Variants in ZNF470 observed in about 807,000 individuals in gnomAD.
ZNF470 encodes the protein zinc finger protein 470.
Under a neutral mutation model 13.9 loss-of-function variants are expected in ZNF470, and 13 were observed. The observed-to-expected ratio is 0.94, with a 90% CI of 0.61 to 1.49. ZNF470 has a LOEUF of 1.49. Ranked by LOEUF, ZNF470 falls within the 40% of genes most tolerant of loss-of-function variation. ZNF470 has a pLI of 0.00. For missense variants in ZNF470, 929 were observed against 857.3 expected (o/e 1.08, Z -1.04); for synonymous variants, 293 against 282.9 (o/e 1.04, Z -0.36).
Position 56,581,809 on chromosome 19 carries a change from G to T in ZNF470, c.*3226G>T, listed in dbSNP as rs1016189716. ...ACCCTACCATATGTTTTTGATGGAC[G>T]TGGCCAATAAAATTGTCTCTGAATT... On this transcript the variant is annotated 3_prime_UTR_variant, in exon 6 of 6. Coordinates refer to ENST00000330619, the MANE Select transcript of ZNF470 (RefSeq NM_001001668.4). The T allele has an allele frequency of 3.0e-6, 3 of 985,094 alleles. No individual in the cohort carries two copies. Among genetic ancestry groups the T allele is most frequent in the African/African-American group, 1.7e-5 (1 of 57,154 alleles). 61.0% of individuals were successfully genotyped at this position (985,094 alleles called of 1,614,324 possible). A position where few individuals can be genotyped will look rare whatever the true frequency, so the allele number is the denominator to read the frequency against.
At position 56,570,303 on chromosome 19, in the gene ZNF470, C is replaced by G. The variant is rs371751279; in HGVS notation, c.-9C>G. 4.3e-6 allele frequency: 7 copies of G among 1,613,898 alleles called. No individual in the cohort carries two copies. The African/African-American group carries it at 9.3e-5, about 22-fold the overall frequency. ...AGCTCTACAATCCCAGAGTAAAGCTCTTCTCCAAATGAAGAGCCAGGAAGA... is the reference window on the plus strand; with the variant it reads ...AGCTCTACAATCCCAGAGTAAAGCTGTTCTCCAAATGAAGAGCCAGGAAGA... On this transcript the variant is annotated 5_prime_UTR_variant, in exon 3 of 6. Coordinates refer to ENST00000330619, the MANE Select transcript of ZNF470 (RefSeq NM_001001668.4).
intron 3 of ZNF470, among the ~76,000 whole-genome samples, chr19:56,571,372 T>C (rs2044450682): frequency 6.6e-6 from 1 of 152,180 alleles, no homozygotes; most frequent in Non-Finnish European, 1.5e-5. Flanking sequence ...ATTCCTAGTT[T>C]TTCATTCCTT....
intron 3 of ZNF470, among the ~76,000 whole-genome samples, chr19:56,573,019 G>A (rs2044466131): frequency 6.6e-6 from 1 of 152,094 alleles, no homozygotes; most frequent in Admixed American, 6.6e-5. Flanking sequence ...TATCTTCAAT[G>A]GTTAAAAACA....
At chr19:56,568,579 G>C (rs2904239) in intron 1 of ZNF470, among the ~76,000 whole-genome samples, 179 bp from the exon 2 acceptor site, 1 of 152,008 alleles carries the variant, frequency 6.6e-6, no homozygotes, top group Non-Finnish European at 1.5e-5. Context: ...GAAAGGGGGA[G>C]GAAGGGCTAT....
Position 56,567,871 on chromosome 19 carries a change from G to A in ZNF470, c.-326G>A. The A allele has an allele frequency of 1.0e-6, 1 of 985,292 alleles. No individual in the cohort carries two copies. The highest frequency in any genetic ancestry group is 1.7e-5 in the African/African-American group (1 of 57,260). The allele number at this position is 985,292 out of a possible 1,614,324, so 61.0% of individuals were successfully genotyped here. A position where few individuals can be genotyped will look rare whatever the true frequency, so the allele number is the denominator to read the frequency against. ...CCCCGTTCTCCCCTGTATCGACTGC[G>A]TAGAGCCCAGTGTGGGCAAAGTCCT... is the stretch of plus-strand genomic sequence containing the variant. On this transcript the variant is annotated 5_prime_UTR_variant, in exon 1 of 6. Coordinates refer to ENST00000330619, the MANE Select transcript of ZNF470 (RefSeq NM_001001668.4).
In ZNF470 at chr19:56,567,620, G is replaced by C. The variant is rs573879614; in HGVS notation, c.-577G>C. 737 of 988,518 alleles carry C rather than the reference G, an allele frequency of 7.5e-4. 1 individual carries two copies. The highest frequency in any genetic ancestry group is 5.5e-3 in the African/African-American group (318 of 57,328). 61.2% of individuals were successfully genotyped at this position (988,518 alleles called of 1,614,324 possible). On this transcript the variant is annotated 5_prime_UTR_variant, in exon 1 of 6. Coordinates refer to ENST00000330619, the MANE Select transcript of ZNF470 (RefSeq NM_001001668.4). ...GTGGGCGGCGGGCGTGAGCGTGCGC[G>C]TGTGGCCTGGTGGCTGTGAGTGCCC...
chr19:56,570,123 A>G, intron 2 of ZNF470, 157 bp from the exon 3 acceptor site: 1 of 575,706 alleles, frequency 1.7e-6, no homozygotes, highest in Non-Finnish European at 3.1e-6. Flanking sequence ...AACCCCAGCT[A>G]TATATTTCAA....
chr19:56,576,601 T>C, intron 5 of ZNF470, 112 bp from the exon 6 acceptor site: 1 of 844,002 alleles, frequency 1.2e-6, no homozygotes, highest in African/African-American at 1.7e-5. Context: ...CATAAAAACA[T>C]GTACCTCTGC....
chr19:56,582,272 T>C lies in ZNF470; in HGVS notation c.*3689T>C, dbSNP rs1046478402. 3.0e-6 allele frequency: 3 copies of C among 985,370 alleles called. No individual in the cohort carries two copies. The highest frequency in any genetic ancestry group is 3.6e-6 in the Non-Finnish European group (3 of 829,898). 61.0% of individuals were successfully genotyped at this position (985,370 alleles called of 1,614,324 possible). On this transcript the variant is annotated 3_prime_UTR_variant, in exon 6 of 6. Coordinates refer to ENST00000330619, the MANE Select transcript of ZNF470 (RefSeq NM_001001668.4). ...TGGAGAATGCTGAATCCAAAAGGTA[T>C]ATGTAATACTGGTATCTAACTGCTT...
At chr19:56,572,891 T>G (rs2044465346) in intron 3 of ZNF470, among the ~76,000 whole-genome samples, 1 of 151,914 alleles carries the variant, frequency 6.6e-6, no homozygotes, top group East Asian at 1.9e-4. Flanking sequence ...CTAAAGGGAG[T>G]TCTTCAGATA....
chr19:56,576,909 C>A lies in ZNF470; in HGVS notation c.480C>A (p.Thr160=). Residue 160 remains threonine, a synonymous_variant, in exon 6 of 6, where the codon ACC becomes ACA. Transcript: ENST00000330619. ...AGAAGACACATTTTAGGCAAGAGAC[C>A]ATCACTCATATAGATACTCTTATTG... ...VNQKTHFRQE[T]ITHIDTLIEK... is the part of the protein sequence containing the mutation. The A allele has an allele frequency of 6.4e-7, 1 of 1,574,512 alleles. No homozygotes were observed. Among genetic ancestry groups the A allele is most frequent in the Non-Finnish European group, 8.6e-7 (1 of 1,166,808 alleles).
rs1056561423 is a variant in ZNF470, at chr19:56,581,067, GA to G, written c.*2488del. On this transcript the variant is annotated 3_prime_UTR_variant, in exon 6 of 6. Transcript: ENST00000330619. ...GCTGACATTAGGCTTTTATATGGTGGAAAACATCATAGTCAATAGATAAATG... is the reference window on the plus strand; with the variant it reads ...GCTGACATTAGGCTTTTATATGGTGGAAACATCATAGTCAATAGATAAATG... The G allele has an allele frequency of 9.1e-6, 9 of 984,904 alleles. No homozygotes were observed. In the African/African-American group the frequency reaches 1.6e-4, roughly 17 times the overall value. The allele number at this position is 984,904 out of a possible 1,614,324, so 61.0% of individuals were successfully genotyped here. A position where few individuals can be genotyped will look rare whatever the true frequency, so the allele number is the denominator to read the frequency against.
rs753345835 is a variant in ZNF470 at position 56,578,856 on chromosome 19, G to A, written c.*273G>A. On this transcript the variant is annotated 3_prime_UTR_variant, in exon 6 of 6. Transcript: ENST00000330619. ...AGGATTTAGCACACACTGGCATATA[G>A]TTATTGCTAAATAAATGCTAGCCAT... is the stretch of plus-strand genomic sequence containing the variant. 1.4e-5 allele frequency: 16 copies of A among 1,136,876 alleles called. No individual in the cohort carries two copies. The highest frequency in any genetic ancestry group is 4.2e-5 in the South Asian group (1 of 23,868). 70.4% of individuals were successfully genotyped at this position (1,136,876 alleles called of 1,614,324 possible). A position where few individuals can be genotyped will look rare whatever the true frequency, so the allele number is the denominator to read the frequency against.
Position 56,577,131 on chromosome 19 carries a change from G to A in ZNF470, c.702G>A (p.Glu234=), listed in dbSNP as rs1163148156. The change falls in exon 6 of 6, where the codon GAG becomes GAA. Residue 234 remains glutamate (E), a synonymous_variant. Transcript: ENST00000330619. ...EKKLLKCNDC[E]KIFSKISTLT... ...AACTTTTAAAATGTAATGACTGTGAGAAAATATTCAGCAAAATCTCAACCC... is the reference window on the plus strand; with the variant it reads ...AACTTTTAAAATGTAATGACTGTGAAAAAATATTCAGCAAAATCTCAACCC... 6.2e-7 allele frequency: 1 copy of A among 1,613,062 alleles called. No homozygotes were observed. The highest frequency in any genetic ancestry group is 8.5e-7 in the Non-Finnish European group (1 of 1,179,756).
rs749051177 is a variant in ZNF470 at position 56,574,540 on chromosome 19, G to C, written c.187+20G>C. On this transcript the variant is annotated intron_variant, in intron 4 of 5. Coordinates refer to ENST00000330619, the MANE Select transcript of ZNF470 (RefSeq NM_001001668.4). ...CAGTGGGTAAGAGTATCTTCCTCCT[G>C]TTGCCTCCCCATGACTCAGTAGTCT... The C allele has an allele frequency of 5.0e-6, 8 of 1,613,216 alleles. No homozygotes were observed. The Admixed American group carries it at 1.3e-4, about 27-fold the overall frequency.
In ZNF470 at chr19:56,576,732, G is replaced by T; in HGVS notation, c.303G>T (p.Val101=). Residue 101 remains valine, a synonymous_variant, in exon 6 of 6, where the codon GTG becomes GTT. Transcript: ENST00000330619. ...TTTCAGACTTGGAGTGTGTGTGGGT[G>T]ACCAAATCATTATCTTTAAACCAGG... The part of the protein sequence containing the change: ...GLCPDLECVW[V]TKSLSLNQDI... 3 of 1,472,790 alleles carry T rather than the reference G, an allele frequency of 2.0e-6. No individual in the cohort carries two copies. In the South Asian group the frequency reaches 4.8e-5, roughly 24 times the overall value. The allele number at this position is 1,472,790 out of a possible 1,614,324, so 91.2% of individuals were successfully genotyped here. A position where few individuals can be genotyped will look rare whatever the true frequency, so the allele number is the denominator to read the frequency against.
Position 56,576,778 on chromosome 19 carries a change from C to T in ZNF470, c.349C>T (p.Pro117Ser), listed in dbSNP as rs763287822. ...CCAGGATATTTATGAAGAAAAATTA[C>T]CCCCGGCAATCATAATGGAAAGACT... Reference protein sequence around the residue: ...LNQDIYEEKLPPAIIMERLKS... With the variant: ...LNQDIYEEKLSPAIIMERLKS... The change falls in exon 6 of 6, where the codon CCC becomes TCC. Residue 117 changes from proline to serine, a missense_variant. Pro to Ser is a moderately conservative substitution (Grantham distance 74). Transcript: ENST00000330619. 1 of 1,538,568 alleles carries T rather than the reference C, an allele frequency of 6.5e-7. No individual in the cohort carries two copies. Among genetic ancestry groups the T allele is most frequent in the South Asian group, 1.3e-5 (1 of 76,578 alleles).
Position 56,577,270 on chromosome 19 carries a change from G to GA in ZNF470, c.846dup (p.Pro283ThrfsTer3). On this transcript the variant is annotated frameshift_variant, in exon 6 of 6. Transcript: ENST00000330619. LOFTEE classifies it low-confidence loss of function (END_TRUNC). ...TCAACATCAGAGAATACACACAGGA[G>GA]AAAAACCTTTTGAATGTACTGAATG... 1 of 1,612,858 alleles carries GA rather than the reference G, an allele frequency of 6.2e-7. No homozygotes were observed.
Position 56,577,666 on chromosome 19 carries a change from A to C in ZNF470, c.1237A>C (p.Ile413Leu), listed in dbSNP as rs771593016. The C allele has an allele frequency of 6.2e-7, 1 of 1,610,942 alleles. No homozygotes were observed. The highest frequency in any genetic ancestry group is 8.5e-7 in the Non-Finnish European group (1 of 1,177,620). Reference sequence around the variant, plus strand: ...GGCTTTCACTGATCACATAGGACTTATTCAGCATAAGAGAACTCATACTGG... The same window carrying C: ...GGCTTTCACTGATCACATAGGACTTCTTCAGCATAAGAGAACTCATACTGG... ...GKAFTDHIGL[I>L]QHKRTHTGER... Residue 413 changes from isoleucine to leucine, a missense_variant, in exon 6 of 6, where the codon ATT becomes CTT. Ile to Leu is a conservative substitution (Grantham distance 5). Transcript: ENST00000330619.
Sources: gnomAD v4.1 joint callset for allele counts (sites outside exome capture counted in the v4.1 genomes callset) on GRCh38, gnomAD v4.1.1 for gene constraint, MANE v1.5 for transcripts, NCBI Gene and HGNC (gene_info 2026-07-23, HGNC 2026-07-21) for gene names.